Variants in RBMS3 observed in about 807,000 individuals in gnomAD.
RBMS3 encodes the protein RNA binding motif single stranded interacting protein 3.
A neutral mutation model predicts 66.8 loss-of-function variants in RBMS3; 27 were observed. The ratio of observed to expected loss-of-function variants is 0.40; its 90% confidence interval spans 0.30 to 0.56. The LOEUF is 0.56. Among genes scored for constraint, RBMS3 ranks in the 20% least tolerant of loss-of-function variants. RBMS3 has a pLI of 0.40. For synonymous variants in RBMS3, 188 were observed against 183.0 expected (o/e 1.03, Z -0.22); for missense variants, 513 against 549.5 (o/e 0.93, Z 0.66).
intron 2 of RBMS3, among the ~76,000 whole-genome samples, chr3:29,460,223 A>AAT (rs1334885838): frequency 6.6e-6 from 1 of 152,168 alleles, no homozygotes. Context: ...GAATATACAC[A>AAT]ATAGTACAGA....
At chr3:29,835,689 A>G (rs578180066) in intron 6 of RBMS3, among the ~76,000 whole-genome samples, 4 of 151,940 alleles carry the variant, frequency 2.6e-5, no homozygotes, top group Non-Finnish European at 5.9e-5. Context: ...GACATCTCAA[A>G]TAAACAACCT....
intron 4 of RBMS3, among the ~76,000 whole-genome samples, chr3:29,608,669 A>G (rs2048391703): frequency 6.6e-6 from 1 of 152,008 alleles, no homozygotes; most frequent in Non-Finnish European, 1.5e-5. Context: ...GAGATGAGAG[A>G]AGAATATAGT....
At chr3:29,555,039 T>G (rs2046304323) in intron 3 of RBMS3, among the ~76,000 whole-genome samples, 1 of 152,212 alleles carries the variant, frequency 6.6e-6, no homozygotes, top group Admixed American at 6.5e-5. Flanking sequence ...TTATTTTTTG[T>G]TCTTTCCTTC....
At chr3:29,506,660 C>G (rs916806989) in intron 3 of RBMS3, among the ~76,000 whole-genome samples, 8 of 151,860 alleles carry the variant, frequency 5.3e-5, no homozygotes, top group African/African-American at 1.7e-4. Flanking sequence ...GTATTAGTAT[C>G]GGTTCTTCTT....
intron 4 of RBMS3, among the ~76,000 whole-genome samples, chr3:29,619,857 G>A (rs573901054): frequency 1.8e-4 from 28 of 151,786 alleles, no homozygotes; most frequent in African/African-American, 6.3e-4. Flanking sequence ...AGTCTGGCAC[G>A]TTCTAACAGT....
chr3:29,606,423 A>G (rs531560467), intron 4 of RBMS3, among the ~76,000 whole-genome samples: 19 of 152,060 alleles, frequency 1.2e-4, no homozygotes, highest in Admixed American at 2.6e-4. Context: ...TTGAACATCA[A>G]CATAAAATTT....
intron 1 of RBMS3, among the ~76,000 whole-genome samples, chr3:29,396,004 C>G (rs1379593065): frequency 6.6e-6 from 1 of 152,096 alleles, no homozygotes; most frequent in East Asian, 1.9e-4. Flanking sequence ...TCATAAATTG[C>G]TTTTTAGTTG....
intron 1 of RBMS3, among the ~76,000 whole-genome samples, chr3:29,400,234 C>T (rs914861785): frequency 6.6e-6 from 1 of 152,128 alleles, no homozygotes; most frequent in African/African-American, 2.4e-5. Context: ...AGTTCACAAG[C>T]ACTGTGCTGA....
intron 14 of RBMS3, among the ~76,000 whole-genome samples, chr3:29,992,657 C>A (rs1288443730): frequency 1.3e-5 from 2 of 152,060 alleles, no homozygotes; most frequent in Admixed American, 6.6e-5. Flanking sequence ...AGAGAGCATG[C>A]TCAGTTCAGA....
At chr3:29,763,027 G>A (rs1306159671) in intron 6 of RBMS3, 38 bp downstream of exon 6, 7 of 1,353,024 alleles carry the variant, frequency 5.2e-6, no homozygotes, top group South Asian at 3.6e-5. Flanking sequence ...ATGATGCCGA[G>A]GCTTAAATTG....
At chr3:29,320,752 A>T (rs2034959041) in intron 1 of RBMS3, among the ~76,000 whole-genome samples, 1 of 152,064 alleles carries the variant, frequency 6.6e-6, no homozygotes, top group Non-Finnish European at 1.5e-5. Flanking sequence ...AATTTGAATA[A>T]ATAACTGTGG....
chr3:29,448,406 GA>G (rs1259097927), intron 2 of RBMS3, among the ~76,000 whole-genome samples: 1 of 152,210 alleles, frequency 6.6e-6, no homozygotes, highest in Non-Finnish European at 1.5e-5. Context: ...TGTTTGAGCA[GA>G]AAGGGATTTG....
At chr3:29,552,993 T>G (rs1450684557) in intron 3 of RBMS3, among the ~76,000 whole-genome samples, 2 of 152,178 alleles carry the variant, frequency 1.3e-5, no homozygotes, top group Non-Finnish European at 2.9e-5. Flanking sequence ...CTTACTACTC[T>G]AATCTCAGTT....
intron 12 of RBMS3, among the ~76,000 whole-genome samples, chr3:29,976,025 TAGA>T (rs1697560057): frequency 6.6e-6 from 1 of 152,020 alleles, no homozygotes; most frequent in African/African-American, 2.4e-5. Flanking sequence ...ATTTGTAATA[TAGA>T]AGTTTTCATT....
chr3:29,525,656 A>G (rs2045064072), intron 3 of RBMS3, among the ~76,000 whole-genome samples: 1 of 152,202 alleles, frequency 6.6e-6, no homozygotes, highest in African/African-American at 2.4e-5. Context: ...CTATGGCTCA[A>G]TAGTACAATA....
At chr3:29,317,093 ACTC>A (rs1428042982) in intron 1 of RBMS3, among the ~76,000 whole-genome samples, 2 of 151,680 alleles carry the variant, frequency 1.3e-5, no homozygotes, top group African/African-American at 4.8e-5. Flanking sequence ...TGTAGTAAAA[ACTC>A]AGTCAAATAT....
chr3:29,396,047 C>T (rs2039532589), intron 1 of RBMS3, among the ~76,000 whole-genome samples: 1 of 152,054 alleles, frequency 6.6e-6, no homozygotes, highest in African/African-American at 2.4e-5. Flanking sequence ...ACAATGGAAA[C>T]ATTAGATAAC....
At chr3:29,907,510 T>G (rs1454675507) in intron 10 of RBMS3, among the ~76,000 whole-genome samples, 1 of 152,036 alleles carries the variant, frequency 6.6e-6, no homozygotes, top group Non-Finnish European at 1.5e-5. Flanking sequence ...TTTGCCAATT[T>G]TATTGTATTA....
At chr3:29,791,874 CTATCATATAATGGTTATTCTTATATG>C (rs1328479772) in intron 6 of RBMS3, among the ~76,000 whole-genome samples, 1 of 152,122 alleles carries the variant, frequency 6.6e-6, no homozygotes, top group Non-Finnish European at 1.5e-5. Context: ...TGAATTGCCA[CTATCATATAATGGTTATTCTTATATG>C]TAATCATTAT....
Sources: allele counts gnomAD v4.1 joint callset (sites outside exome capture counted in the v4.1 genomes callset), GRCh38; gene constraint gnomAD v4.1.1; transcripts MANE v1.5; gene names NCBI Gene and HGNC (gene_info 2026-07-23, HGNC 2026-07-21).